The following BMP2K variants were observed in gnomAD, a reference collection of about 807,000 sequenced individuals.
The protein encoded by BMP2K is BMP-2-inducible protein kinase.
In BMP2K, 74 loss-of-function variants were observed where a neutral mutation model predicts 116.0. That is an observed-to-expected ratio of 0.64 (90% confidence interval 0.53 to 0.77). The LOEUF (loss-of-function observed/expected upper bound fraction) is 0.77, where lower values mean the gene tolerates loss of function less well. Ranked by LOEUF, BMP2K falls within the 30% of genes least tolerant of loss-of-function variation. BMP2K has a pLI of 0.00. For synonymous variants in BMP2K, 486 were observed against 502.5 expected (o/e 0.97, Z 0.44); for missense variants, 1,365 against 1,403.6 (o/e 0.97, Z 0.44).
chr4:78,901,540 A>G (rs1381921802), intron 15 of BMP2K, among the ~76,000 whole-genome samples: 1 of 152,180 alleles, frequency 6.6e-6, no homozygotes, highest in African/African-American at 2.4e-5. Flanking sequence ...TGCCATTCCT[A>G]TTTTCACTAA....
chr4:78,815,368 A>G lies in BMP2K; in HGVS notation c.179-10669A>G, dbSNP rs112079267. Among the ~76,000 whole-genome samples, 7 of 152,310 alleles carry G rather than the reference A, an allele frequency of 4.6e-5. 1 individual carries two copies. Among genetic ancestry groups the G allele is most frequent in the African/African-American group, 9.6e-5 (4 of 41,590 alleles). ...GAAGGTATAGCATGAAGCCTGGTAC[A>G]TGAAAACCCATAAAATATTTTGATT... is the stretch of plus-strand genomic sequence containing the variant. On this transcript the variant is annotated intron_variant, in intron 1 of 15. Coordinates refer to ENST00000502613, the MANE Select transcript of BMP2K (RefSeq NM_198892.2).
chr4:78,894,960 C>T lies in BMP2K; in HGVS notation c.2062+7676C>T, dbSNP rs546901503. Among the ~76,000 whole-genome samples, 9 of 152,230 alleles carry T rather than the reference C, an allele frequency of 5.9e-5. No homozygotes were observed. The East Asian group carries it at 7.7e-4, about 13-fold the overall frequency. On this transcript the variant is annotated intron_variant, in intron 15 of 15. Transcript: ENST00000502613. ...GGGAGAGAGACACGGAACAGCTGGT[C>T]GGTAGATCAGTCAGAACACATAAAC...
rs552928547 is a variant in BMP2K, at chr4:78,900,810, G to A, written c.2063-9800G>A. 1.8e-3 allele frequency among the ~76,000 whole-genome samples: 269 copies of A among 152,124 alleles called. 1 individual carries two copies. The highest frequency in any genetic ancestry group is 3.4e-3 in the Non-Finnish European group (229 of 67,990). On this transcript the variant is annotated intron_variant, in intron 15 of 15. Transcript: ENST00000502613. ...GTTAAATTTATAATGATCCATTTAC[G>A]CAAAAATCAAATAATTGTATCAATA...
At chr4:78,832,677 A>G (rs1410446951) in intron 2 of BMP2K, among the ~76,000 whole-genome samples, 1 of 152,076 alleles carries the variant, frequency 6.6e-6, no homozygotes, top group East Asian at 1.9e-4. Flanking sequence ...TAGAATTTGT[A>G]TGATTTTGAG....
At chr4:78,886,712 AAAG>A (rs1039670189) in intron 14 of BMP2K, among the ~76,000 whole-genome samples, 3 of 152,316 alleles carry the variant, frequency 2.0e-5, no homozygotes, top group African/African-American at 4.8e-5. Flanking sequence ...TAGTACAAAA[AAAG>A]AACAAAAAAG....
intron 7 of BMP2K, among the ~76,000 whole-genome samples, chr4:78,853,633 T>C (rs1222551304): frequency 1.3e-5 from 2 of 152,146 alleles, no homozygotes; most frequent in African/African-American, 4.8e-5. Context: ...AGAAGTACAT[T>C]GCAGAGATTA....
intron 13 of BMP2K, among the ~76,000 whole-genome samples, chr4:78,873,069 A>G (rs1732449998): frequency 6.6e-6 from 1 of 152,146 alleles, no homozygotes; most frequent in Non-Finnish European, 1.5e-5. Context: ...ATGTAAAGGC[A>G]TTTTTGGTAA....
chr4:78,776,501 G>C lies in BMP2K; in HGVS notation c.-43G>C, dbSNP rs745419954. 8 of 1,126,542 alleles carry C rather than the reference G, an allele frequency of 7.1e-6. No homozygotes were observed. Among genetic ancestry groups the C allele is most frequent in the African/African-American group, 1.7e-5 (1 of 60,506 alleles). The allele number at this position is 1,126,542 out of a possible 1,614,324, so 69.8% of individuals were successfully genotyped here. A position where few individuals can be genotyped will look rare whatever the true frequency, so the allele number is the denominator to read the frequency against. ...CGGCTGCGCGCCGGGCCGGGGACTT[G>C]CCCTTGCACGCTCCCTGCGCCCTCC... On this transcript the variant is annotated 5_prime_UTR_variant, in exon 1 of 16. Transcript: ENST00000502613.
chr4:78,905,927 C>T (rs539598864), intron 15 of BMP2K, among the ~76,000 whole-genome samples: 97 of 152,026 alleles, frequency 6.4e-4, no homozygotes, highest in Non-Finnish European at 1.3e-3. Context: ...TAGTTATAAC[C>T]AACTTTATAA....
Position 78,887,233 on chromosome 4 carries a change from A to T in BMP2K, c.2011A>T (p.Asn671Tyr), listed in dbSNP as rs1274418373. The T allele has an allele frequency of 6.2e-7, 1 of 1,611,838 alleles. No homozygotes were observed. The highest frequency in any genetic ancestry group is 1.3e-5 in the African/African-American group (1 of 74,862). ...TGTAGACTCACTTTCTGCTCCACATAACCATCCTCCAGAAGATCCTTTTGG... is the reference window on the plus strand; with the variant it reads ...TGTAGACTCACTTTCTGCTCCACATTACCATCCTCCAGAAGATCCTTTTGG... Reference protein sequence around the residue: ...KNVDSLSAPHNHPPEDPFGSV... With the variant: ...KNVDSLSAPHYHPPEDPFGSV... Residue 671 changes from asparagine (N) to tyrosine (Y), a missense_variant, in exon 15 of 16, where the codon AAC (asparagine) becomes TAC (tyrosine). Transcript: ENST00000502613.
At chr4:78,784,243 A>G (rs74517482) in intron 1 of BMP2K, among the ~76,000 whole-genome samples, 7,416 of 152,318 alleles carry the variant, frequency 0.049, 573 homozygotes, top group African/African-American at 0.17. Flanking sequence ...CAAAATGATT[A>G]AAGCCTTGAC....
intron 15 of BMP2K, among the ~76,000 whole-genome samples, chr4:78,907,915 T>A (rs935121511): frequency 2.0e-5 from 3 of 152,208 alleles, no homozygotes; most frequent in African/African-American, 7.2e-5. Context: ...GTTAAACGTT[T>A]CACAGTCAGG....
chr4:78,853,386 T>C (rs1655630903), intron 7 of BMP2K, among the ~76,000 whole-genome samples: 1 of 152,066 alleles, frequency 6.6e-6, no homozygotes, highest in Non-Finnish European at 1.5e-5. Flanking sequence ...AGTAGTGGAG[T>C]CAAATATTTA....
chr4:78,842,117 A>G (rs1730787531), intron 3 of BMP2K, among the ~76,000 whole-genome samples: 1 of 152,080 alleles, frequency 6.6e-6, no homozygotes, highest in South Asian at 2.1e-4. Context: ...GTATTATAAG[A>G]TATACTTTGA....
rs767951161 is a variant in BMP2K at position 78,842,469 on chromosome 4, G to GT, written c.489dup (p.Glu164Ter). 6.2e-7 allele frequency: 1 copy of GT among 1,608,874 alleles called. No homozygotes were observed. Among genetic ancestry groups the GT allele is most frequent in the Non-Finnish European group, 8.5e-7 (1 of 1,176,290 alleles). On this transcript the variant is annotated frameshift_variant, in exon 4 of 16. Transcript: ENST00000502613. LOFTEE classifies it high-confidence loss of function. ...GTGTTACAGATATTCTGTGATACCTGTGAAGCTGTTGCAAGGTTGCATCAG... is the reference window on the plus strand; with the variant it reads ...GTGTTACAGATATTCTGTGATACCTGTTGAAGCTGTTGCAAGGTTGCATCAG...
rs1436806701 is a variant in BMP2K at position 78,874,654 on chromosome 4, C to T, written c.1793+1856C>T. Among the ~76,000 whole-genome samples, 3 of 152,136 alleles carry T rather than the reference C, an allele frequency of 2.0e-5. No individual in the cohort carries two copies. The East Asian group carries it at 5.8e-4, about 29-fold the overall frequency. Reference sequence around the variant, plus strand: ...TATACTTCATATTCTAAAAGTCTGTCAGCTCCTGGAAGCAAAGTTATGTCA... The same window carrying T: ...TATACTTCATATTCTAAAAGTCTGTTAGCTCCTGGAAGCAAAGTTATGTCA... On this transcript the variant is annotated intron_variant, in intron 13 of 15. Coordinates refer to ENST00000502613, the MANE Select transcript of BMP2K (RefSeq NM_198892.2).
At chr4:78,814,434 C>T (rs1383947396) in intron 1 of BMP2K, among the ~76,000 whole-genome samples, 3 of 152,126 alleles carry the variant, frequency 2.0e-5, no homozygotes, top group Non-Finnish European at 2.9e-5. Flanking sequence ...ATTGTAGTCC[C>T]TATAATCCCC....
At chr4:78,827,402 G>C (rs542490610) in intron 2 of BMP2K, among the ~76,000 whole-genome samples, 4 of 152,216 alleles carry the variant, frequency 2.6e-5, no homozygotes, top group Admixed American at 2.6e-4. Flanking sequence ...TTCCTATCAG[G>C]GAATCTCATC....
chr4:78,842,387 G>T lies in BMP2K; in HGVS notation c.406G>T (p.Gly136Ter). Residue 136 changes from glycine to a stop codon, truncating the protein, a stop_gained and splice_region_variant, in exon 4 of 16, where the codon GGA becomes TGA. Coordinates refer to ENST00000502613, the MANE Select transcript of BMP2K (RefSeq NM_198892.2). LOFTEE classifies it high-confidence loss of function. The part of the protein sequence containing the change: ...VLILMEYCRA[G>*]QVVNQMNKKL... ...CTCAAAATTACTTTTTTGGTTAGCT[G>T]GACAGGTAGTGAATCAAATGAATAA... is the stretch of plus-strand genomic sequence containing the variant. 6.3e-7 allele frequency: 1 copy of T among 1,586,204 alleles called. No homozygotes were observed. Among genetic ancestry groups the T allele is most frequent in the Non-Finnish European group, 8.6e-7 (1 of 1,160,628 alleles).
Sources: gnomAD v4.1 joint callset for allele counts (sites outside exome capture counted in the v4.1 genomes callset) on GRCh38, gnomAD v4.1.1 for gene constraint, MANE v1.5 for transcripts, NCBI Gene and HGNC (gene_info 2026-07-23, HGNC 2026-07-21) for gene names.